ADAMTS18: variants seen among roughly 807,000 people sequenced by gnomAD.
ADAMTS18 encodes the protein ADAM metallopeptidase with thrombospondin type 1 motif 18.
ADAMTS18 carries 157 observed loss-of-function variants against 165.9 expected under a neutral mutation model. The observed-to-expected ratio is 0.95, with a 90% CI of 0.83 to 1.08. The LOEUF (loss-of-function observed/expected upper bound fraction) is 1.08, where lower values mean the gene tolerates loss of function less well. Among genes scored for constraint, ADAMTS18 ranks in the 50% least tolerant of loss-of-function variants. The pLI, the probability that ADAMTS18 is intolerant of heterozygous loss-of-function variation, is 0.00. For missense variants in ADAMTS18, 2,040 were observed against 1,534.0 expected (o/e 1.33, Z -5.51); for synonymous variants, 782 against 578.2 (o/e 1.35, Z -5.06).
intron 3 of ADAMTS18, among the ~76,000 whole-genome samples, chr16:77,419,747 C>T (rs1328254789): frequency 6.6e-6 from 1 of 152,090 alleles, no homozygotes; most frequent in African/African-American, 2.4e-5. Flanking sequence ...TGACTCATGC[C>T]TGTAATCCCA....
At chr16:77,335,672 C>T (rs1464924788) in intron 12 of ADAMTS18, 84 bp downstream of exon 12, 3 of 1,529,390 alleles carry the variant, frequency 2.0e-6, no homozygotes, top group Non-Finnish European at 2.7e-6. Context: ...AAAAAATAAA[C>T]TTAAAGTATG....
intron 13 of ADAMTS18, among the ~76,000 whole-genome samples, chr16:77,323,758 A>T (rs2056045882): frequency 2.0e-5 from 3 of 152,188 alleles, no homozygotes; most frequent in Admixed American, 2.0e-4. Flanking sequence ...TATAAGTATC[A>T]AAAGGAGACA....
intron 2 of ADAMTS18, among the ~76,000 whole-genome samples, chr16:77,433,765 ACAAT>A (rs1034718474): frequency 6.6e-6 from 1 of 152,208 alleles, no homozygotes; most frequent in African/African-American, 2.4e-5. Context: ...CTGATGGGAA[ACAAT>A]CAAAACAAGG....
intron 17 of ADAMTS18, among the ~76,000 whole-genome samples, chr16:77,299,686 A>G (rs2055543644): frequency 6.6e-6 from 1 of 152,218 alleles, no homozygotes; most frequent in African/African-American, 2.4e-5. Flanking sequence ...TCACATCTAA[A>G]TAAAACGCCT....
rs1202055993 is a variant in ADAMTS18, at chr16:77,431,157, G to T, written c.495+138C>A. 5.6e-5 allele frequency: 49 copies of T among 878,108 alleles called. No homozygotes were observed. In the East Asian group the frequency reaches 1.2e-3, roughly 21 times the overall value. 54.4% of individuals were successfully genotyped at this position (878,108 alleles called of 1,614,324 possible). A position where few individuals can be genotyped will look rare whatever the true frequency, so the allele number is the denominator to read the frequency against. On this transcript the variant is annotated intron_variant, in intron 3 of 22. Coordinates refer to ENST00000282849, the MANE Select transcript of ADAMTS18 (RefSeq NM_199355.4). The stretch of plus-strand genomic sequence containing the variant: ...GGGAGCACATTAGATTAATTCAATT[G>T]AGAATATTAGAAGTATCAAGGCTGA...
chr16:77,345,930 T>C (rs941210341), intron 10 of ADAMTS18, among the ~76,000 whole-genome samples: 2 of 152,146 alleles, frequency 1.3e-5, no homozygotes, highest in African/African-American at 4.8e-5. Context: ...CACAAAGTCA[T>C]ATGCACTCAA....
intron 3 of ADAMTS18, among the ~76,000 whole-genome samples, chr16:77,400,424 T>C (rs942959605): frequency 4.4e-5 from 6 of 136,050 alleles, no homozygotes; most frequent in Non-Finnish European, 3.1e-5. Flanking sequence ...TCAGGGGGAA[T>C]TGTGTGTGTG....
chr16:77,339,806 C>T (rs952260403), intron 11 of ADAMTS18, among the ~76,000 whole-genome samples: 1 of 151,226 alleles, frequency 6.6e-6, no homozygotes, highest in Non-Finnish European at 1.5e-5. Flanking sequence ...AAAAATTGCA[C>T]ATAACTCCTC....
intron 16 of ADAMTS18, among the ~76,000 whole-genome samples, chr16:77,312,405 T>G (rs987076532): frequency 1.3e-5 from 2 of 152,042 alleles, no homozygotes; most frequent in African/African-American, 4.8e-5. Context: ...GCCCAGCTAA[T>G]TTTTGTATTT....
chr16:77,333,160 G>A (rs923400414), intron 12 of ADAMTS18, among the ~76,000 whole-genome samples: 3 of 152,256 alleles, frequency 2.0e-5, no homozygotes, highest in East Asian at 1.9e-4. Context: ...TGACTCCTCT[G>A]CTGTGTTTTG....
chr16:77,301,229 T>C (rs2055576297), intron 16 of ADAMTS18, among the ~76,000 whole-genome samples: 1 of 151,278 alleles, frequency 6.6e-6, no homozygotes, highest in Non-Finnish European at 1.5e-5. Context: ...TAATGCATCA[T>C]AAAACATTCT....
intron 19 of ADAMTS18, 21 bp from the exon 20 acceptor site, chr16:77,293,279 C>T (rs1309710726): frequency 6.2e-7 from 1 of 1,606,470 alleles, no homozygotes; most frequent in Admixed American, 1.7e-5. Context: ...CAAAAAAGTT[C>T]TATTTGCATT....
intron 18 of ADAMTS18, among the ~76,000 whole-genome samples, chr16:77,296,066 T>G (rs2055465912): frequency 6.6e-6 from 1 of 152,026 alleles, no homozygotes; most frequent in Non-Finnish European, 1.5e-5. Flanking sequence ...ATATAAAGAT[T>G]GTGTAATACG....
At chr16:77,296,007 A>AGTGT (rs35084964) in intron 18 of ADAMTS18, among the ~76,000 whole-genome samples, 21 of 146,974 alleles carry the variant, frequency 1.4e-4, no homozygotes, top group Non-Finnish European at 2.2e-4. Context: ...GAAAAAAAAA[A>AGTGT]GTGTGTGTGT....
intron 20 of ADAMTS18, among the ~76,000 whole-genome samples, chr16:77,292,115 C>G (rs1272386975): frequency 6.7e-6 from 1 of 149,580 alleles, no homozygotes; most frequent in African/African-American, 2.6e-5. Context: ...AGACCAGCCT[C>G]AGCAACATGG....
chr16:77,317,943 A>C (rs570049447), intron 16 of ADAMTS18, among the ~76,000 whole-genome samples: 2 of 152,294 alleles, frequency 1.3e-5, no homozygotes, highest in East Asian at 3.9e-4. Flanking sequence ...AATCTGACCA[A>C]AATACCCTGA....
chr16:77,295,975 A>T (rs546448309), intron 18 of ADAMTS18, among the ~76,000 whole-genome samples: 90 of 151,516 alleles, frequency 5.9e-4, no homozygotes, highest in Non-Finnish European at 1.2e-3. Context: ...TCAGATTATG[A>T]CAAATGCACT....
chr16:77,303,686 G>A (rs1387341251), intron 16 of ADAMTS18, among the ~76,000 whole-genome samples: 1 of 152,088 alleles, frequency 6.6e-6, no homozygotes, highest in African/African-American at 2.4e-5. Context: ...CAGTGGAGAA[G>A]ATGAGACAGA....
intron 10 of ADAMTS18, among the ~76,000 whole-genome samples, chr16:77,349,145 A>T (rs562739640): frequency 6.6e-6 from 1 of 152,310 alleles, no homozygotes; most frequent in South Asian, 2.1e-4. Context: ...ATTAATCCTG[A>T]TGTCAAATTC....
Sources: allele counts gnomAD v4.1 joint callset (sites outside exome capture counted in the v4.1 genomes callset), GRCh38; gene constraint gnomAD v4.1.1; transcripts MANE v1.5; gene names NCBI Gene and HGNC (gene_info 2026-07-23, HGNC 2026-07-21).